CCL22: variants seen among roughly 807,000 people sequenced by gnomAD.
CCL22 encodes the protein C-C motif chemokine ligand 22.
A neutral mutation model predicts 7.6 loss-of-function variants in CCL22; 7 were observed. The ratio of observed to expected loss-of-function variants is 0.92; its 90% CI spans 0.52 to 1.72. The LOEUF is 1.72. Ranked by LOEUF, CCL22 falls within the 40% of genes most tolerant of loss-of-function variation. The pLI is 0.00. For missense variants in CCL22, 115 were observed against 124.7 expected, an observed-to-expected ratio of 0.92 and a Z score of 0.37; for synonymous variants, 55 against 47.2, an observed-to-expected ratio of 1.17 and a Z score of -0.68.
chr16:57,359,682 G>T (rs1305829432), intron 1 of CCL22, among the ~76,000 whole-genome samples: 13 of 151,784 alleles, frequency 8.6e-5, no homozygotes, highest in African/African-American at 3.1e-4. Flanking sequence ...GCCCAGGCTG[G>T]AGTGCAGTGG....
Position 57,363,950 on chromosome 16 carries a change from T to G in CCL22, c.*362T>G. On this transcript the variant is annotated 3_prime_UTR_variant, in exon 3 of 3. Coordinates refer to ENST00000219235, the MANE Select transcript of CCL22 (RefSeq NM_002990.5). ...TCTGTCTCCAGCCTGCCCACTTCCC[T>G]TCATGAATGTTGGGTTCTAGCTCCC... 1 of 221,930 alleles carries G rather than the reference T, an allele frequency of 4.5e-6. No homozygotes were observed. The highest frequency in any genetic ancestry group is 8.4e-5 in the South Asian group (1 of 11,882). 13.7% of individuals were successfully genotyped at this position (221,930 alleles called of 1,614,324 possible). A position where few individuals can be genotyped will look rare whatever the true frequency, so the allele number is the denominator to read the frequency against.
At chr16:57,358,704 C>G, upstream of CCL22, 2 of 778,344 alleles carry the variant, frequency 2.6e-6, no homozygotes, top group Non-Finnish European at 2.3e-6. Flanking sequence ...CTCTGGGCAC[C>G]CCGGTGACTA....
At chr16:57,359,166 T>C (rs1018165453) in intron 1 of CCL22, among the ~76,000 whole-genome samples, 4 of 151,964 alleles carry the variant, frequency 2.6e-5, no homozygotes, top group Non-Finnish European at 5.9e-5. Context: ...AACTCAAGCA[T>C]AGGGCCCTAG....
chr16:57,360,343 T>TC, intron 1 of CCL22, 94 bp from the exon 2 acceptor site: 1 of 1,482,632 alleles, frequency 6.7e-7, no homozygotes, highest in Non-Finnish European at 9.2e-7. Flanking sequence ...TGCATCTCTT[T>TC]CCTGGAGCCT....
intron 2 of CCL22, among the ~76,000 whole-genome samples, chr16:57,361,297 G>A (rs545589726): frequency 6.7e-6 from 1 of 149,804 alleles, no homozygotes; most frequent in Non-Finnish European, 1.5e-5. Context: ...CACCAGAAGT[G>A]TCTTGGATCC....
intron 2 of CCL22, among the ~76,000 whole-genome samples, chr16:57,361,878 A>G (rs73557194): frequency 0.038 from 5,749 of 152,276 alleles, 229 homozygotes; most frequent in East Asian, 0.23. Flanking sequence ...CTGAAGCAGG[A>G]AGCCCTCCCA....
rs57450696 is a variant in CCL22 at position 57,364,794 on chromosome 16, C to CT, written c.*1206_*1207insT. On this transcript the variant is annotated 3_prime_UTR_variant, in exon 3 of 3. Coordinates refer to ENST00000219235, the MANE Select transcript of CCL22 (RefSeq NM_002990.5). ...GTGCCTGGCCTCTTCCCTCTCCCCA[C>CT]CCCCCCCCCAACTTTTTTTTTTTTT... 0.85 allele frequency: 111,979 copies of CT among 131,096 alleles called. 47,021 individuals carry two copies. The highest frequency in any genetic ancestry group is 0.9 in the Non-Finnish European group (56,700 of 63,118). 8.1% of individuals were successfully genotyped at this position (131,096 alleles called of 1,614,324 possible).
intron 1 of CCL22, among the ~76,000 whole-genome samples, chr16:57,359,935 C>G (rs529469919): frequency 6.6e-6 from 1 of 152,350 alleles, no homozygotes; most frequent in East Asian, 1.9e-4. Context: ...TCTGGGCTCA[C>G]TATCCATTTT....
At chr16:57,361,192 G>T (rs1437787043) in intron 2 of CCL22, among the ~76,000 whole-genome samples, 2 of 151,442 alleles carry the variant, frequency 1.3e-5, no homozygotes, top group African/African-American at 2.4e-5. Context: ...CTGGAAGGTG[G>T]AGGTTGCAGT....
chr16:57,362,724 T>C (rs1902061765), intron 2 of CCL22, among the ~76,000 whole-genome samples: 1 of 151,832 alleles, frequency 6.6e-6, no homozygotes. Flanking sequence ...AGCTGGGTGT[T>C]GTGGCGGGCA....
At chr16:57,361,462 T>C (rs1902048903) in intron 2 of CCL22, among the ~76,000 whole-genome samples, 1 of 152,142 alleles carries the variant, frequency 6.6e-6, no homozygotes, top group African/African-American at 2.4e-5. Context: ...ACGAGGAAGT[T>C]CAACGATTCC....
At chr16:57,358,595 A>AG (rs3214179), upstream of CCL22, among the ~76,000 whole-genome samples, 1,090 of 152,128 alleles carry the variant, frequency 7.2e-3, 16 homozygotes, top group African/African-American at 0.024. Context: ...GACAGAGTTG[A>AG]GGGGGGGTCC....
chr16:57,360,244 C>G (rs1408008994), intron 1 of CCL22, among the ~76,000 whole-genome samples, 193 bp from the exon 2 acceptor site: 1 of 152,208 alleles, frequency 6.6e-6, no homozygotes, highest in African/African-American at 2.4e-5. Context: ...ACATTGGACC[C>G]TAAGTGGCTT....
rs1451620499 is a variant in CCL22, at chr16:57,365,970, T to A, written c.*2382T>A. On this transcript the variant is annotated 3_prime_UTR_variant, in exon 3 of 3. Coordinates refer to ENST00000219235, the MANE Select transcript of CCL22 (RefSeq NM_002990.5). Reference sequence around the variant, plus strand: ...TTATAGGCTTGCTGTGGGGCTCAGGTTGAAAGTGTGGGGAGTGACACTGCC... The same window carrying A: ...TTATAGGCTTGCTGTGGGGCTCAGGATGAAAGTGTGGGGAGTGACACTGCC... 6.6e-6 allele frequency: 1 copy of A among 152,056 alleles called. No individual in the cohort carries two copies. The highest frequency in any genetic ancestry group is 1.9e-4 in the East Asian group (1 of 5,174). 9.4% of individuals were successfully genotyped at this position (152,056 alleles called of 1,614,324 possible). A position where few individuals can be genotyped will look rare whatever the true frequency, so the allele number is the denominator to read the frequency against.
At chr16:57,360,025 G>A (rs2146496398) in intron 1 of CCL22, among the ~76,000 whole-genome samples, 1 of 152,268 alleles carries the variant, frequency 6.6e-6, no homozygotes, top group South Asian at 2.1e-4. Context: ...TTGGGTGGAG[G>A]AGTGAGCACT....
Position 57,363,939 on chromosome 16 carries a change from G to T in CCL22, c.*351G>T. 1 of 232,130 alleles carries T rather than the reference G, an allele frequency of 4.3e-6. No homozygotes were observed. Among genetic ancestry groups the T allele is most frequent in the Non-Finnish European group, 8.6e-6 (1 of 116,042 alleles). 14.4% of individuals were successfully genotyped at this position (232,130 alleles called of 1,614,324 possible). A position where few individuals can be genotyped will look rare whatever the true frequency, so the allele number is the denominator to read the frequency against. Reference sequence around the variant, plus strand: ...TGGGTTCCATCTCTGTCTCCAGCCTGCCCACTTCCCTTCATGAATGTTGGG... The same window carrying T: ...TGGGTTCCATCTCTGTCTCCAGCCTTCCCACTTCCCTTCATGAATGTTGGG... On this transcript the variant is annotated 3_prime_UTR_variant, in exon 3 of 3. Transcript: ENST00000219235.
intron 2 of CCL22, among the ~76,000 whole-genome samples, chr16:57,362,546 G>C (rs1902059664): frequency 6.6e-6 from 1 of 152,056 alleles, no homozygotes; most frequent in Non-Finnish European, 1.5e-5. Context: ...GCTCAGAGTA[G>C]TTAAGTGATA....
intron 1 of CCL22, among the ~76,000 whole-genome samples, chr16:57,360,204 G>A (rs374053399): frequency 1.3e-5 from 2 of 152,182 alleles, no homozygotes; most frequent in Non-Finnish European, 2.9e-5. Context: ...CTGAATCCCC[G>A]CTCCTAGAGC....
upstream of CCL22, among the ~76,000 whole-genome samples, chr16:57,358,154 G>A (rs1315650372): frequency 6.6e-6 from 1 of 152,110 alleles, no homozygotes; most frequent in African/African-American, 2.4e-5. Context: ...ACATGGTGAG[G>A]GACTGAGACA....
Sources: allele counts gnomAD v4.1 joint callset (sites outside exome capture counted in the v4.1 genomes callset), GRCh38; gene constraint gnomAD v4.1.1; transcripts MANE v1.5; gene names NCBI Gene and HGNC (gene_info 2026-07-23, HGNC 2026-07-21).